The following PLCXD3 variants were observed in gnomAD, a reference collection of about 807,000 sequenced individuals.
PLCXD3 encodes PI-PLC X domain-containing protein 3.
PLCXD3 carries 19 observed loss-of-function variants against 25.5 expected under a neutral mutation model. The ratio of observed to expected loss-of-function variants is 0.75; its 90% CI spans 0.52 to 1.09. The LOEUF (loss-of-function observed/expected upper bound fraction) is 1.09, where lower values mean the gene tolerates loss of function less well. Ranked by LOEUF, PLCXD3 falls within the 50% of genes least tolerant of loss-of-function variation. PLCXD3 has a pLI of 0.00. For synonymous variants in PLCXD3, 174 were observed against 137.6 expected (o/e 1.26, Z -1.85); for missense variants, 411 against 388.1 (o/e 1.06, Z -0.50).
chr5:41,421,345 A>G (rs963114589), intron 1 of PLCXD3, among the ~76,000 whole-genome samples: 1 of 152,196 alleles, frequency 6.6e-6, no homozygotes, highest in Non-Finnish European at 1.5e-5. Flanking sequence ...GGGTCCATGA[A>G]TTATATTTCT....
chr5:41,346,028 C>A (rs1005367193), intron 2 of PLCXD3, among the ~76,000 whole-genome samples: 1 of 152,066 alleles, frequency 6.6e-6, no homozygotes, highest in African/African-American at 2.4e-5. Flanking sequence ...TACAGGCACC[C>A]ACCACCACGC....
chr5:41,352,269 A>G (rs1232958530), intron 2 of PLCXD3, among the ~76,000 whole-genome samples: 1 of 152,186 alleles, frequency 6.6e-6, no homozygotes, highest in East Asian at 1.9e-4. Flanking sequence ...CATCTTGCCC[A>G]TGAACATCCT....
intron 2 of PLCXD3, among the ~76,000 whole-genome samples, chr5:41,355,097 T>C (rs1198226965): frequency 2.0e-5 from 3 of 152,204 alleles, no homozygotes; most frequent in Admixed American, 6.5e-5. Flanking sequence ...CAGTTGTTCC[T>C]CTTTACTCCA....
chr5:41,496,185 A>C (rs1044308714), intron 1 of PLCXD3, among the ~76,000 whole-genome samples: 1 of 152,062 alleles, frequency 6.6e-6, no homozygotes, highest in East Asian at 1.9e-4. Context: ...AAAAAGAAAA[A>C]AGAATAAAAC....
chr5:41,438,401 A>G (rs1442061454), intron 1 of PLCXD3, among the ~76,000 whole-genome samples: 1 of 152,168 alleles, frequency 6.6e-6, no homozygotes, highest in Non-Finnish European at 1.5e-5. Context: ...CTGGCCCTGG[A>G]TGAAGCCTGC....
intron 1 of PLCXD3, among the ~76,000 whole-genome samples, chr5:41,397,858 C>T (rs931301723): frequency 8.5e-5 from 13 of 152,148 alleles, no homozygotes; most frequent in African/African-American, 2.2e-4. Context: ...TAATGTCTAC[C>T]CTGCTGGGTT....
intron 1 of PLCXD3, among the ~76,000 whole-genome samples, chr5:41,491,307 TA>T (rs1235888513): frequency 6.6e-6 from 1 of 152,230 alleles, no homozygotes; most frequent in Non-Finnish European, 1.5e-5. Context: ...GATAGTTTGT[TA>T]TAATTTCTGA....
intron 1 of PLCXD3, among the ~76,000 whole-genome samples, chr5:41,388,493 C>A (rs966143371): frequency 6.6e-6 from 1 of 151,594 alleles, no homozygotes; most frequent in Non-Finnish European, 1.5e-5. Flanking sequence ...CTGAATGGTA[C>A]CCTCATTCAT....
In PLCXD3 at chr5:41,374,426, C is replaced by T. The variant is rs190409104; in HGVS notation, c.812+7400G>A. Among the ~76,000 whole-genome samples the T allele has an allele frequency of 4.6e-5, 7 of 152,172 alleles. No homozygotes were observed. The East Asian group carries it at 7.7e-4, about 17-fold the overall frequency. ...TTTCAAAAAGATTCTGAATTGGTCC[C>T]GGCACTGGCTTATAACATCATCCGA... is the stretch of plus-strand genomic sequence containing the variant. On this transcript the variant is annotated intron_variant, in intron 2 of 2. Transcript: ENST00000377801.
At chr5:41,494,123 G>T (rs1748784152) in intron 1 of PLCXD3, among the ~76,000 whole-genome samples, 1 of 152,190 alleles carries the variant, frequency 6.6e-6, no homozygotes, top group Non-Finnish European at 1.5e-5. Context: ...TGTTAAGACA[G>T]GGTCTTGCTC....
chr5:41,424,301 T>G (rs1746897943), intron 1 of PLCXD3, among the ~76,000 whole-genome samples: 1 of 152,208 alleles, frequency 6.6e-6, no homozygotes, highest in Non-Finnish European at 1.5e-5. Flanking sequence ...CCCAGCACTT[T>G]GAGAGGCCGA....
intron 1 of PLCXD3, among the ~76,000 whole-genome samples, chr5:41,486,086 A>T: frequency 6.6e-6 from 1 of 152,136 alleles, no homozygotes; most frequent in East Asian, 1.9e-4. Context: ...TCATTCTAGG[A>T]TATGAGTACA....
chr5:41,405,350 C>A (rs989013333), intron 1 of PLCXD3, among the ~76,000 whole-genome samples: 1 of 152,140 alleles, frequency 6.6e-6, no homozygotes, highest in South Asian at 2.1e-4. Context: ...CTGTAACCAA[C>A]ATGTATTTCC....
intron 2 of PLCXD3, among the ~76,000 whole-genome samples, chr5:41,361,204 T>G (rs968062585): frequency 1.3e-5 from 2 of 152,116 alleles, no homozygotes; most frequent in Non-Finnish European, 2.9e-5. Flanking sequence ...GTCACAGGCC[T>G]CACCCCACTC....
chr5:41,343,794 TA>T (rs2150478601), intron 2 of PLCXD3, among the ~76,000 whole-genome samples: 1 of 152,236 alleles, frequency 6.6e-6, no homozygotes, highest in South Asian at 2.1e-4. Context: ...ACAGTCATAT[TA>T]AAACATTTTT....
chr5:41,376,478 C>A (rs919600474), intron 2 of PLCXD3, among the ~76,000 whole-genome samples: 6 of 151,960 alleles, frequency 3.9e-5, no homozygotes, highest in Non-Finnish European at 7.4e-5. Flanking sequence ...ACCATAATTT[C>A]CCCCTTCACT....
intron 2 of PLCXD3, among the ~76,000 whole-genome samples, chr5:41,379,541 AAAG>A (rs1374013140): frequency 1.3e-5 from 2 of 152,060 alleles, no homozygotes; most frequent in Non-Finnish European, 2.9e-5. Flanking sequence ...TAATGAAAGA[AAAG>A]AAGTGAAAAA....
chr5:41,401,317 C>T (rs1345420639), intron 1 of PLCXD3, among the ~76,000 whole-genome samples: 1 of 152,008 alleles, frequency 6.6e-6, no homozygotes, highest in African/African-American at 2.4e-5. Flanking sequence ...ATGTTTTCTT[C>T]TGGAAGTTTT....
At chr5:41,315,276 G>A (rs1743256369) in intron 2 of PLCXD3, among the ~76,000 whole-genome samples, 1 of 152,036 alleles carries the variant, frequency 6.6e-6, no homozygotes, top group African/African-American at 2.4e-5. Context: ...GAAAGTTTGA[G>A]GGAAATACAT....
Sources: gnomAD v4.1 joint callset for allele counts (sites outside exome capture counted in the v4.1 genomes callset) on GRCh38, gnomAD v4.1.1 for gene constraint, MANE v1.5 for transcripts, NCBI Gene and HGNC (gene_info 2026-07-23, HGNC 2026-07-21) for gene names.